ZNF106: variants seen among roughly 807,000 people sequenced by gnomAD.
The protein encoded by ZNF106 is zinc finger protein 106, also known as SH3-domain binding protein 3.
ZNF106 carries 67 observed loss-of-function variants against 195.1 expected under a neutral mutation model. The observed-to-expected ratio is 0.34, with a 90% CI of 0.28 to 0.42. The LOEUF (loss-of-function observed/expected upper bound fraction) is 0.42, where lower values mean the gene tolerates loss of function less well. Among genes scored for constraint, ZNF106 ranks in the 10% least tolerant of loss-of-function variants. ZNF106 has a pLI of 1.00. For synonymous variants in ZNF106, 784 were observed against 818.6 expected (o/e 0.96, Z 0.72); for missense variants, 2,118 against 2,304.5 (o/e 0.92, Z 1.66).
chr15:42,474,643 T>A (rs950381277), intron 1 of ZNF106, among the ~76,000 whole-genome samples: 4 of 152,042 alleles, frequency 2.6e-5, no homozygotes, highest in African/African-American at 9.7e-5. Flanking sequence ...CCCAGCTACT[T>A]GGGAGGCACA....
In ZNF106 at chr15:42,450,423, T is replaced by C. The variant is rs777045774; in HGVS notation, c.1849A>G (p.Thr617Ala). 1.2e-6 allele frequency: 2 copies of C among 1,614,182 alleles called. No individual in the cohort carries two copies. The highest frequency in any genetic ancestry group is 4.5e-5 in the East Asian group (2 of 44,882). ...GTTCCATGCTTTTCCGTGTCAGATG[T>C]CTCTCCATCACTTTCATCTTCTAGT... Reference protein sequence around the residue: ...HALEDESDGETSDTEKHGTKI... With the variant: ...HALEDESDGEASDTEKHGTKI... Residue 617 changes from threonine (T) to alanine (A), a missense_variant, in exon 5 of 22, where the codon ACA becomes GCA. Physicochemically the swap from Thr to Ala is moderately conservative, Grantham distance 58. Transcript: ENST00000564754.
In ZNF106 at chr15:42,417,060, A is replaced by G. The variant is rs2054483069; in HGVS notation, c.*244T>C. The G allele has an allele frequency of 4.2e-6, 2 of 479,458 alleles. No individual in the cohort carries two copies. The highest frequency in any genetic ancestry group is 3.0e-5 in the South Asian group (1 of 33,704). 29.7% of individuals were successfully genotyped at this position (479,458 alleles called of 1,614,324 possible). A position where few individuals can be genotyped will look rare whatever the true frequency, so the allele number is the denominator to read the frequency against. On this transcript the variant is annotated 3_prime_UTR_variant, in exon 22 of 22. Transcript: ENST00000564754. ...CAAATAGCATATATCACTATATGCC[A>G]TGCTGTCCCAGAGAAGTATGGTTCC...
intron 20 of ZNF106, among the ~76,000 whole-genome samples, chr15:42,419,848 G>A (rs2054594213): frequency 6.6e-6 from 1 of 152,182 alleles, no homozygotes; most frequent in Non-Finnish European, 1.5e-5. Context: ...TACTAGGGAG[G>A]CTGAGGCAGG....
In ZNF106 at chr15:42,414,571, C is replaced by T. The variant is rs1018343740; in HGVS notation, c.*2733G>A. 2.0e-5 allele frequency: 3 copies of T among 152,284 alleles called. No individual in the cohort carries two copies. Among genetic ancestry groups the T allele is most frequent in the Non-Finnish European group, 2.9e-5 (2 of 68,076 alleles). The allele number at this position is 152,284 out of a possible 1,614,324, so 9.4% of individuals were successfully genotyped here. On this transcript the variant is annotated 3_prime_UTR_variant, in exon 22 of 22. Coordinates refer to ENST00000564754, the MANE Select transcript of ZNF106 (RefSeq NM_001366845.3). ...GTATAGGCACACAGTTCCACCAAAG[C>T]GAAGTCCAAATCAGAGTTCTTACCG...
In ZNF106 at chr15:42,442,222, G is replaced by A. The variant is rs1312400210; in HGVS notation, c.3614C>T (p.Pro1205Leu). Residue 1205 changes from proline to leucine, a missense_variant, in exon 10 of 22, where the codon CCT (proline) becomes CTT (leucine). Pro to Leu is a moderately conservative substitution (Grantham distance 98, BLOSUM62 -3). Coordinates refer to ENST00000564754, the MANE Select transcript of ZNF106 (RefSeq NM_001366845.3). Reference protein sequence around the residue: ...TGASLQITTSPTFQTHGSVPA... With the variant: ...TGASLQITTSLTFQTHGSVPA... ...GACACTGCCATGGGTTTGGAAAGTA[G>A]GAGACGTGGTTATTTGAAGAGAGGC... 6.2e-7 allele frequency: 1 copy of A among 1,614,176 alleles called. No homozygotes were observed. The highest frequency in any genetic ancestry group is 8.5e-7 in the Non-Finnish European group (1 of 1,180,030).
intron 1 of ZNF106, among the ~76,000 whole-genome samples, chr15:42,483,290 A>G (rs2056943576): frequency 6.6e-6 from 1 of 152,220 alleles, no homozygotes. Flanking sequence ...TGACCAGAAC[A>G]GGACTCTCAT....
At chr15:42,424,598 A>T in intron 16 of ZNF106, 71 of 406,934 alleles carry the variant, frequency 1.7e-4, no homozygotes, top group East Asian at 4.4e-4. Context: ...TGATTCTCCC[A>T]CCTCAGCCTC....
Position 42,415,739 on chromosome 15 carries a change from G to GTTTTT in ZNF106, c.*1560_*1564dup. 6.7e-6 allele frequency: 1 copy of GTTTTT among 149,660 alleles called. No homozygotes were observed. Among genetic ancestry groups the GTTTTT allele is most frequent in the South Asian group, 1.5e-4 (1 of 6,476 alleles). 9.3% of individuals were successfully genotyped at this position (149,660 alleles called of 1,614,324 possible). On this transcript the variant is annotated 3_prime_UTR_variant, in exon 22 of 22. Coordinates refer to ENST00000564754, the MANE Select transcript of ZNF106 (RefSeq NM_001366845.3). The stretch of plus-strand genomic sequence containing the variant: ...AATTTTATCTCTCTGAAGAAGCTGA[G>GTTTTT]TTTTTTTTTTTTTTTTTGAGACGGA...
chr15:42,426,073 G>A (rs1232738526), intron 15 of ZNF106, among the ~76,000 whole-genome samples: 1 of 152,178 alleles, frequency 6.6e-6, no homozygotes, highest in South Asian at 2.1e-4. Context: ...ACATTGCTGA[G>A]CAATGATTTC....
intron 7 of ZNF106, among the ~76,000 whole-genome samples, chr15:42,445,773 T>A (rs369984870): frequency 1.3e-5 from 2 of 152,194 alleles, no homozygotes; most frequent in East Asian, 3.8e-4. Context: ...CCCTTATCCA[T>A]CACATCCACT....
rs1052666447 is a variant in ZNF106 at position 42,415,036 on chromosome 15, A to G, written c.*2268T>C. On this transcript the variant is annotated 3_prime_UTR_variant, in exon 22 of 22. Coordinates refer to ENST00000564754, the MANE Select transcript of ZNF106 (RefSeq NM_001366845.3). Reference sequence around the variant, plus strand: ...AAATCTCACTAGTGTGGTTAACAAAATGGCTTTCCCCAAGGACAGAAGTCA... The same window carrying G: ...AAATCTCACTAGTGTGGTTAACAAAGTGGCTTTCCCCAAGGACAGAAGTCA... 6.5e-6 allele frequency: 1 copy of G among 153,906 alleles called. No homozygotes were observed. The allele number at this position is 153,906 out of a possible 1,614,324, so 9.5% of individuals were successfully genotyped here.
chr15:42,426,982 T>G (rs2054884069), intron 15 of ZNF106, among the ~76,000 whole-genome samples: 1 of 152,180 alleles, frequency 6.6e-6, no homozygotes, highest in African/African-American at 2.4e-5. Context: ...GCAGAAACCA[T>G]GACATATTTC....
Position 42,450,299 on chromosome 15 carries a change from G to A in ZNF106, c.1973C>T (p.Ser658Phe). ...KEEDDRILKT[S>F]RELSTSPCNP... ...ACATGGGGAAGTGGATAGCTCTCTA[G>A]AAGTCTTCAGGATGCGGTCATCCTC... is the stretch of plus-strand genomic sequence containing the variant. The change falls in exon 5 of 22, where the codon TCT (serine) becomes TTT (phenylalanine). Residue 658 changes from serine (S) to phenylalanine (F), a missense_variant. By Grantham distance (155) the Ser-to-Phe change is radical (BLOSUM62 -2). Transcript: ENST00000564754. The A allele has an allele frequency of 6.2e-7, 1 of 1,614,142 alleles. No homozygotes were observed. Among genetic ancestry groups the A allele is most frequent in the Non-Finnish European group, 8.5e-7 (1 of 1,180,024 alleles).
intron 2 of ZNF106, 42 bp from the exon 3 acceptor site, chr15:42,466,156 C>A: frequency 1.5e-5 from 21 of 1,386,380 alleles, no homozygotes; most frequent in African/African-American, 3.0e-5. Flanking sequence ...AGCAGGATTG[C>A]TTTGAAAAAA....
chr15:42,467,048 G>C (rs1388274708), intron 2 of ZNF106, among the ~76,000 whole-genome samples: 3 of 151,966 alleles, frequency 2.0e-5, no homozygotes, highest in African/African-American at 7.3e-5. Flanking sequence ...CAGGAGAATC[G>C]CTTGAACCCG....
chr15:42,456,272 C>T (rs779936804), intron 4 of ZNF106, among the ~76,000 whole-genome samples: 2 of 152,126 alleles, frequency 1.3e-5, no homozygotes, highest in Non-Finnish European at 2.9e-5. Context: ...ATATACTATA[C>T]GATTTATACA....
At chr15:42,466,003 C>T in intron 3 of ZNF106, 50 bp downstream of exon 3, 2 of 1,450,364 alleles carry the variant, frequency 1.4e-6, no homozygotes, top group Non-Finnish European at 1.8e-6. Context: ...ACCATCATCA[C>T]TCAGATCCAC....
At chr15:42,464,298 C>A (rs2056462210) in intron 3 of ZNF106, among the ~76,000 whole-genome samples, 1 of 151,504 alleles carries the variant, frequency 6.6e-6, no homozygotes, top group Non-Finnish European at 1.5e-5. Context: ...TGAGATAGCA[C>A]CACTGCACTC....
At chr15:42,437,162 T>A (rs1038942127) in intron 13 of ZNF106, 70 bp downstream of exon 13, 1 of 1,520,504 alleles carries the variant, frequency 6.6e-7, no homozygotes, top group South Asian at 1.3e-5. Context: ...CCCTTTATTG[T>A]TTAAAAAAGT....
Sources: gnomAD v4.1 joint callset for allele counts (sites outside exome capture counted in the v4.1 genomes callset) on GRCh38, gnomAD v4.1.1 for gene constraint, MANE v1.5 for transcripts, NCBI Gene and HGNC (gene_info 2026-07-23, HGNC 2026-07-21) for gene names.